UNC13C: variants seen among roughly 807,000 people sequenced by gnomAD.
UNC13C encodes unc-13 homolog C.
UNC13C carries 174 observed loss-of-function variants against 245.4 expected under a neutral mutation model. The ratio of observed to expected loss-of-function variants is 0.71; its 90% CI spans 0.63 to 0.80. UNC13C has a LOEUF of 0.80. Ranked by LOEUF, UNC13C falls within the 30% of genes least tolerant of loss-of-function variation. The pLI, the probability that UNC13C is intolerant of heterozygous loss-of-function variation, is 0.00. For synonymous variants in UNC13C, 992 were observed against 895.1 expected (o/e 1.11, Z -1.93); for missense variants, 2,829 against 2,602.9 (o/e 1.09, Z -1.89).
rs555372249 is a variant in UNC13C, at chr15:54,376,633, G to A, written c.4714-16415G>A. Among the ~76,000 whole-genome samples the A allele has an allele frequency of 3.3e-5, 5 of 152,268 alleles. No individual in the cohort carries two copies. The South Asian group carries it at 8.3e-4, about 25-fold the overall frequency. On this transcript the variant is annotated intron_variant, in intron 17 of 32. Coordinates refer to ENST00000260323, the MANE Select transcript of UNC13C (RefSeq NM_001080534.3). ...AGAAAGACTCGAAGGTAGTTTATTTGAGATGTGATCCCAGGAAAGAGAAGC... is the reference window on the plus strand; with the variant it reads ...AGAAAGACTCGAAGGTAGTTTATTTAAGATGTGATCCCAGGAAAGAGAAGC...
chr15:54,310,799 C>T (rs985546654), intron 13 of UNC13C, among the ~76,000 whole-genome samples: 2 of 151,300 alleles, frequency 1.3e-5, no homozygotes, highest in Non-Finnish European at 2.9e-5. Flanking sequence ...CATACACACA[C>T]ACACATGCAC....
chr15:54,097,160 T>C (rs1030389362), intron 2 of UNC13C, among the ~76,000 whole-genome samples: 2 of 152,324 alleles, frequency 1.3e-5, no homozygotes, highest in East Asian at 3.9e-4. Flanking sequence ...AACATTGCTT[T>C]GTCCTTCAAA....
At chr15:54,565,965 G>A (rs746507135) in intron 29 of UNC13C, among the ~76,000 whole-genome samples, 13 of 151,224 alleles carry the variant, frequency 8.6e-5, no homozygotes, top group African/African-American at 1.9e-4. Flanking sequence ...GCTCCTCCTC[G>A]TCCTCTTTTA....
At chr15:53,930,922 C>A in the UNC13C span, among the ~76,000 whole-genome samples, 4 of 152,246 alleles carry the variant, frequency 2.6e-5, no homozygotes, top group South Asian at 6.2e-4. Context: ...AAGTTATTGT[C>A]GACCTCTGCA....
At chr15:54,616,998 T>C (rs1470945647) in intron 30 of UNC13C, among the ~76,000 whole-genome samples, 1 of 152,096 alleles carries the variant, frequency 6.6e-6, no homozygotes, top group Non-Finnish European at 1.5e-5. Flanking sequence ...TACAGTAACA[T>C]ACTGTAAAGG....
At chr15:53,945,812 A>T in the UNC13C span, among the ~76,000 whole-genome samples, 1 of 152,110 alleles carries the variant, frequency 6.6e-6, no homozygotes, top group African/African-American at 2.4e-5. Context: ...TAGGAATAGC[A>T]TTGAATCTAT....
intron 30 of UNC13C, among the ~76,000 whole-genome samples, chr15:54,586,704 G>A (rs1386536896): frequency 6.6e-6 from 1 of 152,198 alleles, no homozygotes; most frequent in East Asian, 1.9e-4. Flanking sequence ...TAACAAGCCA[G>A]GCTAAGTCCT....
At chr15:54,079,107 G>A (rs1218561407) in intron 2 of UNC13C, among the ~76,000 whole-genome samples, 1 of 152,042 alleles carries the variant, frequency 6.6e-6, no homozygotes, top group Non-Finnish European at 1.5e-5. Flanking sequence ...CTTTGTAGAA[G>A]ATCAGTTGGT....
chr15:54,037,365 T>C (rs1257213164), intron 2 of UNC13C, among the ~76,000 whole-genome samples: 1 of 152,192 alleles, frequency 6.6e-6, no homozygotes, highest in Non-Finnish European at 1.5e-5. Context: ...TTAAACCGTC[T>C]GTTCCCTACC....
chr15:54,097,714 T>TC (rs1352418604), intron 2 of UNC13C, among the ~76,000 whole-genome samples: 15 of 152,310 alleles, frequency 9.8e-5, no homozygotes, highest in South Asian at 4.1e-4. Context: ...TGTTCACCTG[T>TC]CCATCTCTCT....
intron 30 of UNC13C, among the ~76,000 whole-genome samples, chr15:54,616,618 AAGG>A (rs1900452879): frequency 6.6e-6 from 1 of 152,116 alleles, no homozygotes; most frequent in Non-Finnish European, 1.5e-5. Context: ...TTTACAGAAT[AAGG>A]TTATAAAGAA....
chr15:54,236,619 A>G (rs1022371309), intron 6 of UNC13C, among the ~76,000 whole-genome samples, 184 bp downstream of exon 6: 1 of 152,236 alleles, frequency 6.6e-6, no homozygotes, highest in African/African-American at 2.4e-5. Flanking sequence ...TATGTATGCA[A>G]CAGGTGCAAA....
the UNC13C span, among the ~76,000 whole-genome samples, chr15:53,842,644 T>A: frequency 3.9e-5 from 6 of 152,138 alleles, no homozygotes; most frequent in Admixed American, 3.3e-4. Context: ...TTGATAGGCA[T>A]CTTTGTTATG....
At chr15:54,143,264 C>T (rs915744913) in intron 3 of UNC13C, among the ~76,000 whole-genome samples, 1 of 152,162 alleles carries the variant, frequency 6.6e-6, no homozygotes, top group Non-Finnish European at 1.5e-5. Flanking sequence ...ACTTGCCAAC[C>T]TAGGGGTCTG....
intron 4 of UNC13C, among the ~76,000 whole-genome samples, chr15:54,190,488 G>A (rs2034147171): frequency 1.3e-5 from 2 of 151,880 alleles, no homozygotes; most frequent in Non-Finnish European, 2.9e-5. Context: ...AGGTCTTTAT[G>A]TATGTAAATA....
chr15:53,903,751 C>G, the UNC13C span, among the ~76,000 whole-genome samples: 4 of 152,108 alleles, frequency 2.6e-5, no homozygotes, highest in African/African-American at 4.8e-5. Flanking sequence ...GGGCTGTGTT[C>G]AAGTCTAGGT....
Position 54,011,941 on chromosome 15 carries a change from C to A in UNC13C, c.-256-707C>A, listed in dbSNP as rs147695062. 6.3e-4 allele frequency among the ~76,000 whole-genome samples: 96 copies of A among 152,274 alleles called. 1 individual carries two copies. Among genetic ancestry groups the A allele is most frequent in the African/African-American group, 2.1e-3 (86 of 41,544 alleles). ...TAATGAATTAAGTAGATTATCTTCC[C>A]AAACACATACTGGAATACCAACAAA... On this transcript the variant is annotated intron_variant, in intron 1 of 32. Transcript: ENST00000260323.
chr15:54,340,959 A>T (rs575990124), intron 17 of UNC13C, among the ~76,000 whole-genome samples: 36 of 152,298 alleles, frequency 2.4e-4, no homozygotes, highest in African/African-American at 8.7e-4. Flanking sequence ...AAAACAATAC[A>T]TGCTGGTAAG....
chr15:53,899,870 C>T, the UNC13C span, among the ~76,000 whole-genome samples: 2 of 152,124 alleles, frequency 1.3e-5, no homozygotes, highest in African/African-American at 2.4e-5. Context: ...TTTTTAGTTT[C>T]TTATCTTGGC....
Sources: allele counts gnomAD v4.1 joint callset (sites outside exome capture counted in the v4.1 genomes callset), GRCh38; gene constraint gnomAD v4.1.1; transcripts MANE v1.5; gene names NCBI Gene and HGNC (gene_info 2026-07-23, HGNC 2026-07-21).